SLC16A4: variants seen among roughly 807,000 people sequenced by gnomAD.
The protein encoded by SLC16A4 is probable monocarboxylate transporter 5.
SLC16A4 carries 39 observed loss-of-function variants against 47.9 expected under a neutral mutation model. The ratio of observed to expected loss-of-function variants is 0.81; its 90% confidence interval spans 0.63 to 1.06. The LOEUF is 1.06. Among genes scored for constraint, SLC16A4 ranks in the 50% least tolerant of loss-of-function variants. SLC16A4 has a pLI of 0.00. For synonymous variants in SLC16A4, 189 were observed against 199.9 expected (o/e 0.95, Z 0.46); for missense variants, 524 against 573.8 (o/e 0.91, Z 0.89).
At chr1:110,378,224 A>T (rs543434127) in intron 6 of SLC16A4, among the ~76,000 whole-genome samples, 1 of 152,354 alleles carries the variant, frequency 6.6e-6, no homozygotes, top group East Asian at 1.9e-4. Flanking sequence ...CTGTTTTACT[A>T]TGAGTTCAAG....
At chr1:110,371,932 A>G (rs1661708595) in intron 8 of SLC16A4, 1 of 152,154 alleles carries the variant, frequency 6.6e-6, no homozygotes, top group South Asian at 2.1e-4. Flanking sequence ...CAGTTTCAGC[A>G]AAGATCTTAT....
At chr1:110,381,166 T>A in intron 4 of SLC16A4, 23 bp from the exon 5 acceptor site, 1 of 1,608,694 alleles carries the variant, frequency 6.2e-7, no homozygotes. Context: ...CGTAATAGTT[T>A]AGAATCACTC....
At chr1:110,388,820 C>T (rs1404245273) in intron 2 of SLC16A4, among the ~76,000 whole-genome samples, 1 of 152,182 alleles carries the variant, frequency 6.6e-6, no homozygotes, top group Non-Finnish European at 1.5e-5. Context: ...AAGCAATTCT[C>T]CTGCCTCAGC....
At chr1:110,380,245 A>G (rs934331235) in intron 5 of SLC16A4, among the ~76,000 whole-genome samples, 1 of 152,116 alleles carries the variant, frequency 6.6e-6, no homozygotes. Context: ...AGAATGGGCT[A>G]TAGGTTCTGC....
rs760745403 is a variant in SLC16A4, at chr1:110,377,138, TCTGA to T, written c.1050_1053del (p.Ser350ArgfsTer35). The stretch of plus-strand genomic sequence containing the variant: ...TGATCAGCAACCCATCCAGAAATAA[TCTGA>T]CTGACCGTCTCAAGGATACCTGGAA... On this transcript the variant is annotated frameshift_variant, in exon 7 of 9. Transcript: ENST00000369779. LOFTEE classifies it high-confidence loss of function. 2.6e-5 allele frequency: 42 copies of T among 1,613,942 alleles called. No homozygotes were observed. The highest frequency in any genetic ancestry group is 1.7e-4 in the Admixed American group (10 of 59,992).
In SLC16A4 at chr1:110,363,485, G is replaced by T. The variant is rs137976925; in HGVS notation, c.*281C>A. On this transcript the variant is annotated 3_prime_UTR_variant, in exon 9 of 9. Coordinates refer to ENST00000369779, the MANE Select transcript of SLC16A4 (RefSeq NM_004696.3). ...ACTAAAAATACAAAAAATTAGCTGG[G>T]TGTGGTGGCGTGTGCCTGTAGTCCC... 892 of 189,654 alleles carry T rather than the reference G, an allele frequency of 4.7e-3. 10 individuals carry two copies. The highest frequency in any genetic ancestry group is 0.018 in the African/African-American group (782 of 42,322). The allele number at this position is 189,654 out of a possible 1,614,324, so 11.7% of individuals were successfully genotyped here.
chr1:110,388,066 T>C (rs1373560511), intron 2 of SLC16A4, among the ~76,000 whole-genome samples: 1 of 152,148 alleles, frequency 6.6e-6, no homozygotes, highest in African/African-American at 2.4e-5. Flanking sequence ...GTGAGCTGCT[T>C]ACTGTAGGGC....
In SLC16A4 at chr1:110,379,293, G is replaced by A. The variant is rs1246451827; in HGVS notation, c.590C>T (p.Pro197Leu). ...ATTGTTCTCACTTTTGATATGGATG[G>A]GTCTTAAGAGCATACTAGAAGGCAC... ...NLVPSSMLLR[P>L]IHIKSENNSG... Residue 197 changes from proline to leucine, a missense_variant, in exon 6 of 9, where the codon CCC becomes CTC. By Grantham distance (98) the Pro-to-Leu change is moderately conservative. Transcript: ENST00000369779. The A allele has an allele frequency of 1.9e-6, 3 of 1,613,276 alleles. No individual in the cohort carries two copies. The South Asian group carries it at 3.3e-5, about 18-fold the overall frequency.
At position 110,387,163 on chromosome 1, in the gene SLC16A4, C is replaced by G. The variant is rs143123382; in HGVS notation, c.87+2074G>C. Among the ~76,000 whole-genome samples the G allele has an allele frequency of 3.0e-3, 455 of 152,294 alleles. 3 individuals carry two copies. Among genetic ancestry groups the G allele is most frequent in the African/African-American group, 0.01 (433 of 41,568 alleles). The stretch of plus-strand genomic sequence containing the variant: ...CTATCCATCCACCAACAGTATTTTA[C>G]TGAGTGCCTACTATGTTCCAGGCTG... On this transcript the variant is annotated intron_variant, in intron 2 of 8. Coordinates refer to ENST00000369779, the MANE Select transcript of SLC16A4 (RefSeq NM_004696.3).
Position 110,377,860 on chromosome 1 carries a change from C to T in SLC16A4, c.1031-699G>A, listed in dbSNP as rs527935245. Reference sequence around the variant, plus strand: ...ATTATTATTTTTTGAAACGGAGTCACGCTCCGTCACCCAGGCTGGAGTGCA... The same window carrying T: ...ATTATTATTTTTTGAAACGGAGTCATGCTCCGTCACCCAGGCTGGAGTGCA... On this transcript the variant is annotated intron_variant, in intron 6 of 8. Coordinates refer to ENST00000369779, the MANE Select transcript of SLC16A4 (RefSeq NM_004696.3). Among the ~76,000 whole-genome samples, 338 of 152,176 alleles carry T rather than the reference C, an allele frequency of 2.2e-3. 2 individuals carry two copies. Among genetic ancestry groups the T allele is most frequent in the Middle Eastern group, 6.8e-3 (2 of 294 alleles).
chr1:110,377,270 G>C, intron 6 of SLC16A4, 109 bp from the exon 7 acceptor site: 6 of 857,570 alleles, frequency 7.0e-6, no homozygotes, highest in Non-Finnish European at 9.1e-6. Context: ...CAGGATATGT[G>C]AGGAAAAAAA....
chr1:110,383,070 C>G, intron 2 of SLC16A4, 104 bp from the exon 3 acceptor site: 2 of 1,090,828 alleles, frequency 1.8e-6, no homozygotes, highest in Non-Finnish European at 2.6e-6. Flanking sequence ...CTACTATTTA[C>G]CAGTTTGCCT....
intron 8 of SLC16A4, among the ~76,000 whole-genome samples, chr1:110,369,297 C>T (rs1389797561): frequency 6.7e-6 from 1 of 150,358 alleles, no homozygotes; most frequent in Non-Finnish European, 1.5e-5. Flanking sequence ...TACTATTGGT[C>T]ATCTTATTGA....
intron 8 of SLC16A4, among the ~76,000 whole-genome samples, chr1:110,367,522 G>T (rs1026429879): frequency 1.3e-5 from 2 of 151,880 alleles, no homozygotes; most frequent in Non-Finnish European, 2.9e-5. Flanking sequence ...TATTGGAAAA[G>T]AATAAAGAAA....
chr1:110,384,519 C>CG (rs1662622619), intron 2 of SLC16A4, among the ~76,000 whole-genome samples: 2 of 152,116 alleles, frequency 1.3e-5, no homozygotes, highest in Admixed American at 6.5e-5. Flanking sequence ...TCTAGTTAGC[C>CG]GGGGGGCTGT....
At chr1:110,378,019 T>C (rs1662109464) in intron 6 of SLC16A4, among the ~76,000 whole-genome samples, 2 of 152,090 alleles carry the variant, frequency 1.3e-5, no homozygotes, top group African/African-American at 4.8e-5. Flanking sequence ...TTAGTAGAGA[T>C]GGGGTTTCAC....
In SLC16A4 at chr1:110,379,289, G is replaced by T; in HGVS notation, c.594C>A (p.Ile198=). ...LVPSSMLLRP[I]HIKSENNSGI... is the part of the protein sequence containing the mutation. ...CAGAATTGTTCTCACTTTTGATATG[G>T]ATGGGTCTTAAGAGCATACTAGAAG... is the stretch of plus-strand genomic sequence containing the variant. Residue 198 remains isoleucine (I), a synonymous_variant, in exon 6 of 9, where the codon ATC becomes ATA. Coordinates refer to ENST00000369779, the MANE Select transcript of SLC16A4 (RefSeq NM_004696.3). 2.5e-6 allele frequency: 4 copies of T among 1,614,030 alleles called. No homozygotes were observed. Among genetic ancestry groups the T allele is most frequent in the Non-Finnish European group, 3.4e-6 (4 of 1,179,950 alleles).
At chr1:110,383,927 C>G (rs1662592879) in intron 2 of SLC16A4, among the ~76,000 whole-genome samples, 1 of 148,178 alleles carries the variant, frequency 6.7e-6, no homozygotes. Context: ...ACAAGGACAG[C>G]TTGGAAGTTA....
Position 110,383,805 on chromosome 1 carries a change from G to GTTTTTTTT in SLC16A4, c.88-847_88-840dup, listed in dbSNP as rs71096348. 1.3e-3 allele frequency among the ~76,000 whole-genome samples: 83 copies of GTTTTTTTT among 65,762 alleles called. 7 individuals carry two copies. The East Asian group carries it at 0.031, about 25-fold the overall frequency. 43.1% of individuals were successfully genotyped at this position (65,762 alleles called of 152,430 possible). On this transcript the variant is annotated intron_variant, in intron 2 of 8. Transcript: ENST00000369779. ...TTTTGGAAAGGGCTGTTAAAAGGAGGTTTTTTTTTTTTTTTTTTTTTTTTT... is the reference window on the plus strand; with the variant it reads ...TTTTGGAAAGGGCTGTTAAAAGGAGGTTTTTTTTTTTTTTTTTTTTTTTTTTTTTTTTT...
Sources: gnomAD v4.1 joint callset for allele counts (sites outside exome capture counted in the v4.1 genomes callset) on GRCh38, gnomAD v4.1.1 for gene constraint, MANE v1.5 for transcripts, NCBI Gene and HGNC (gene_info 2026-07-23, HGNC 2026-07-21) for gene names.